The following GON4L variants were observed in gnomAD, a reference collection of about 807,000 sequenced individuals.
The protein encoded by GON4L is GON-4-like protein.
A neutral mutation model predicts 211.8 loss-of-function variants in GON4L; 87 were observed. The observed-to-expected ratio is 0.41, with a 90% confidence interval of 0.35 to 0.49. GON4L has a LOEUF of 0.49. GON4L is among the 20% of genes least tolerant of loss of function. The probability of loss-of-function intolerance (pLI) is 0.15; values close to 1 mark genes in which losing one functional copy is unlikely to be tolerated. For missense variants in GON4L, 2,155 were observed against 2,659.5 expected (o/e 0.81, Z 4.17); for synonymous variants, 875 against 962.6 (o/e 0.91, Z 1.68).
At chr1:155,831,577 T>C (rs1669775821) in intron 2 of GON4L, 1 of 152,004 alleles carries the variant, frequency 6.6e-6, no homozygotes, top group African/African-American at 2.4e-5. Flanking sequence ...GCAGGATCAT[T>C]TAAGGCCAGG....
At position 155,751,779 on chromosome 1, in the gene GON4L, C is replaced by T; in HGVS notation, c.6564G>A (p.Lys2188=). The T allele has an allele frequency of 6.2e-7, 1 of 1,611,854 alleles. No homozygotes were observed. The change falls in exon 31 of 32, where the codon AAG becomes AAA. Residue 2188 remains lysine, a synonymous_variant. Coordinates refer to ENST00000368331, the MANE Select transcript of GON4L (RefSeq NM_001282860.2). ...AACCCGCACCTACCTCAGCAGGGGT[C>T]TTATTTCCCAGCTGCTGGGAGATGA... The part of the protein sequence containing the change: ...FNIISQQLGN[K]TPAEVSHRFR...
In GON4L at chr1:155,805,293, TAAA is replaced by T; in HGVS notation, c.1453-155_1453-153del. On this transcript the variant is annotated intron_variant, in intron 10 of 31. Coordinates refer to ENST00000368331, the MANE Select transcript of GON4L (RefSeq NM_001282860.2). ...TTGAGAAACTTTAAGAAACACGACA[TAAA>T]AAAGAAATAAAATAAATGACATCAG... is the stretch of plus-strand genomic sequence containing the variant. 4.6e-6 allele frequency: 3 copies of T among 648,008 alleles called. No homozygotes were observed. The South Asian group carries it at 5.4e-5, about 12-fold the overall frequency. The allele number at this position is 648,008 out of a possible 1,614,324, so 40.1% of individuals were successfully genotyped here.
intron 2 of GON4L, among the ~76,000 whole-genome samples, chr1:155,844,910 A>C (rs1671088255): frequency 6.6e-6 from 1 of 152,196 alleles, no homozygotes; most frequent in Non-Finnish European, 1.5e-5. Flanking sequence ...CTAGATTGCA[A>C]CAATTTCCAT....
chr1:155,780,968 A>G (rs920967590), intron 14 of GON4L, among the ~76,000 whole-genome samples: 1 of 152,162 alleles, frequency 6.6e-6, no homozygotes, highest in Non-Finnish European at 1.5e-5. Context: ...GGGTTTGGGC[A>G]GCACAGGGTA....
At chr1:155,764,726 A>T in intron 21 of GON4L, 2 of 1,047,680 alleles carry the variant, frequency 1.9e-6, no homozygotes, top group Non-Finnish European at 2.8e-6. Flanking sequence ...GGAGTGAGCC[A>T]CCAAGCCCAG....
chr1:155,827,473 T>A (rs892514196), intron 2 of GON4L, among the ~76,000 whole-genome samples: 3 of 152,112 alleles, frequency 2.0e-5, no homozygotes, highest in Non-Finnish European at 2.9e-5. Context: ...CTTTCTCACC[T>A]CAACACTTCA....
At chr1:155,827,577 T>TG (rs746032219) in intron 2 of GON4L, among the ~76,000 whole-genome samples, 53 of 151,878 alleles carry the variant, frequency 3.5e-4, no homozygotes, top group Non-Finnish European at 4.9e-4. Context: ...CCTAGTTACT[T>TG]GGGGGGGCTG....
In GON4L at chr1:155,821,357, C is replaced by T. The variant is rs956720126; in HGVS notation, c.963+117G>A. 3.7e-5 allele frequency: 24 copies of T among 648,112 alleles called. No individual in the cohort carries two copies. The African/African-American group carries it at 3.7e-4, about 10-fold the overall frequency. 40.1% of individuals were successfully genotyped at this position (648,112 alleles called of 1,614,324 possible). On this transcript the variant is annotated intron_variant, in intron 5 of 31. Transcript: ENST00000368331. ...CAAGTAATTCTTATGTTTTGAAATGCTAACTTTAACCCCAGCTGCCAAACT... is the reference window on the plus strand; with the variant it reads ...CAAGTAATTCTTATGTTTTGAAATGTTAACTTTAACCCCAGCTGCCAAACT...
At chr1:155,749,431 G>A, downstream of GON4L, 5 of 1,592,528 alleles carry the variant, frequency 3.1e-6, no homozygotes, top group South Asian at 5.6e-5. Context: ...GGAGTCATGA[G>A]GTCAGTGTAA....
Position 155,811,324 on chromosome 1 carries a change from G to A in GON4L, c.1452+2310C>T, listed in dbSNP as rs555366172. ...GTAGAATGATGTGAACCTGGGAGGC[G>A]GAGCTTGCAGTGAGCCGAGATCGCA... On this transcript the variant is annotated intron_variant, in intron 10 of 31. Transcript: ENST00000368331. Among the ~76,000 whole-genome samples the A allele has an allele frequency of 4.2e-3, 575 of 137,124 alleles. 3 individuals carry two copies. Among genetic ancestry groups the A allele is most frequent in the African/African-American group, 0.014 (523 of 36,832 alleles). 90.0% of individuals were successfully genotyped at this position (137,124 alleles called of 152,430 possible).
At chr1:155,840,973 T>G (rs900361993) in intron 2 of GON4L, among the ~76,000 whole-genome samples, 10 of 152,080 alleles carry the variant, frequency 6.6e-5, no homozygotes, top group Admixed American at 1.3e-4. Context: ...AGGCGGAGGT[T>G]GCGGTGAGCC....
At chr1:155,819,315 G>C (rs1449317988) in intron 6 of GON4L, among the ~76,000 whole-genome samples, 1 of 151,152 alleles carries the variant, frequency 6.6e-6, no homozygotes, top group African/African-American at 2.4e-5. Flanking sequence ...AAAAGGGGGG[G>C]AGAAATTGGG....
At chr1:155,747,774 C>A (rs769898236), downstream of GON4L, 3 of 1,613,736 alleles carry the variant, frequency 1.9e-6, no homozygotes, top group Non-Finnish European at 2.5e-6. Flanking sequence ...CTTCCAGATC[C>A]TGTGTGACCT....
At position 155,820,607 on chromosome 1, in the gene GON4L, A is replaced by G. The variant is rs776464292; in HGVS notation, c.1013T>C (p.Val338Ala). The change falls in exon 6 of 32, where the codon GTG (valine) becomes GCG (alanine). Residue 338 changes from valine to alanine, a missense_variant and splice_region_variant. Physicochemically the swap from Val to Ala is moderately conservative, Grantham distance 64 (BLOSUM62 0). Transcript: ENST00000368331. ...SKLKEVVEKG[V>A]VIPTWNISPI... The stretch of plus-strand genomic sequence containing the variant: ...ACAACAAAAAAACAGAATACTTACC[A>G]CTCCTTTTTCCACTACTTCCTTCAG... 1.2e-6 allele frequency: 2 copies of G among 1,603,674 alleles called. No homozygotes were observed. The highest frequency in any genetic ancestry group is 2.2e-5 in the South Asian group (2 of 90,858).
rs778659875 is a variant in GON4L at position 155,757,230 on chromosome 1, G to A, written c.5347C>T (p.Arg1783Trp). ...TTGATCTCTTCAAAGTCACCCATCCGGCTAGCTGCTGGGCGCAAGTGGTCA... is the reference window on the plus strand; with the variant it reads ...TTGATCTCTTCAAAGTCACCCATCCAGCTAGCTGCTGGGCGCAAGTGGTCA... ...FFDHLRPAAS[R>W]MGDFEEINWT... The change falls in exon 26 of 32, where the codon CGG becomes TGG. Residue 1783 changes from arginine (R) to tryptophan (W), a missense_variant. Physicochemically the swap from Arg to Trp is moderately radical, Grantham distance 101 (BLOSUM62 -3). Coordinates refer to ENST00000368331, the MANE Select transcript of GON4L (RefSeq NM_001282860.2). 2.8e-5 allele frequency: 45 copies of A among 1,613,718 alleles called. 1 individual carries two copies. The South Asian group carries it at 3.5e-4, about 13-fold the overall frequency.
Position 155,777,703 on chromosome 1 carries a change from A to C in GON4L, c.2010T>G (p.Val670=). ...GATGAACTTTCTCACTCTGGGGTTT[A>C]ACCTTCTCTACTTCCTGCAGCTGTT... ...SAKQLQEVEK[V]KPQSEKVHQT... The change falls in exon 15 of 32, where the codon GTT becomes GTG. Residue 670 remains valine (V), a synonymous_variant. Transcript: ENST00000368331. 6.2e-7 allele frequency: 1 copy of C among 1,613,484 alleles called. No individual in the cohort carries two copies. The highest frequency in any genetic ancestry group is 8.5e-7 in the Non-Finnish European group (1 of 1,179,432).
intron 2 of GON4L, among the ~76,000 whole-genome samples, chr1:155,851,571 C>A (rs1311243033): frequency 1.3e-5 from 2 of 151,828 alleles, no homozygotes; most frequent in Non-Finnish European, 2.9e-5. Context: ...CAAAAATTAG[C>A]TGAGCACGGT....
At chr1:155,823,026 C>T (rs1668873063) in intron 3 of GON4L, among the ~76,000 whole-genome samples, 2 of 149,810 alleles carry the variant, frequency 1.3e-5, no homozygotes, top group Admixed American at 6.6e-5. Flanking sequence ...AACTCCCGAC[C>T]TCAGGTGATC....
intron 19 of GON4L, among the ~76,000 whole-genome samples, chr1:155,770,023 TAAAAAAAAAAAAAAAAAAAAAA>T (rs59380170): frequency 4.6e-5 from 2 of 43,692 alleles, no homozygotes; most frequent in Admixed American, 7.7e-4. Flanking sequence ...CTCCATTTCT[TAAAAAAAAAAAAAAAAAAAAAA>T]AAAAAAAAAA....
Sources: gnomAD v4.1 joint callset for allele counts (sites outside exome capture counted in the v4.1 genomes callset) on GRCh38, gnomAD v4.1.1 for gene constraint, MANE v1.5 for transcripts, NCBI Gene and HGNC (gene_info 2026-07-23, HGNC 2026-07-21) for gene names.